CNTNAP2: variants seen among roughly 807,000 people sequenced by gnomAD.
The protein encoded by CNTNAP2 is contactin associated protein 2.
In CNTNAP2, 98 loss-of-function variants were observed where a neutral mutation model predicts 155.2. The ratio of observed to expected loss-of-function variants is 0.63; its 90% confidence interval spans 0.54 to 0.75. CNTNAP2 has a LOEUF of 0.75. Among genes scored for constraint, CNTNAP2 ranks in the 30% least tolerant of loss-of-function variants. CNTNAP2 has a pLI of 0.00. For missense variants in CNTNAP2, 1,727 were observed against 1,688.1 expected, an observed-to-expected ratio of 1.02 and a Z score of -0.40; for synonymous variants, 651 against 631.2, an observed-to-expected ratio of 1.03 and a Z score of -0.47.
At chr7:148,407,703 TAA>T (rs57666141) in intron 22 of CNTNAP2, among the ~76,000 whole-genome samples, 1 of 93,126 alleles carries the variant, frequency 1.1e-5, no homozygotes, top group African/African-American at 3.7e-5. Context: ...GACCAAATCT[TAA>T]AAAAAAAAAA....
At chr7:147,291,064 C>T (rs765315382) in intron 8 of CNTNAP2, among the ~76,000 whole-genome samples, 3 of 152,146 alleles carry the variant, frequency 2.0e-5, no homozygotes, top group Non-Finnish European at 4.4e-5. Context: ...GAAAGTTCCT[C>T]GTGCCACCCT....
intron 9 of CNTNAP2, among the ~76,000 whole-genome samples, chr7:147,312,122 A>G (rs1795138107): frequency 6.6e-6 from 1 of 152,072 alleles, no homozygotes; most frequent in Non-Finnish European, 1.5e-5. Context: ...AATTAAATAG[A>G]GCTTTTGCTG....
intron 22 of CNTNAP2, among the ~76,000 whole-genome samples, chr7:148,404,998 G>C (rs1483689525): frequency 6.6e-6 from 1 of 152,076 alleles, no homozygotes; most frequent in East Asian, 1.9e-4. Context: ...TACAGGACTG[G>C]GGGGCATGGC....
At chr7:146,408,223 T>C (rs1795819635) in intron 1 of CNTNAP2, among the ~76,000 whole-genome samples, 1 of 152,250 alleles carries the variant, frequency 6.6e-6, no homozygotes, top group South Asian at 2.1e-4. Context: ...AAATTAACCA[T>C]TAAAAATAAG....
intron 3 of CNTNAP2, among the ~76,000 whole-genome samples, chr7:146,992,108 C>A (rs1798219228): frequency 6.6e-6 from 1 of 152,112 alleles, no homozygotes. Context: ...TATGGAATGA[C>A]TGTGTAGCAT....
intron 12 of CNTNAP2, among the ~76,000 whole-genome samples, chr7:147,585,145 A>G (rs756608790): frequency 6.6e-6 from 1 of 152,104 alleles, no homozygotes; most frequent in Non-Finnish European, 1.5e-5. Flanking sequence ...CTAATTTACT[A>G]TCTCCATATG....
chr7:148,144,727 G>T (rs183200198), intron 16 of CNTNAP2, among the ~76,000 whole-genome samples: 54 of 152,286 alleles, frequency 3.5e-4, no homozygotes, highest in African/African-American at 1.2e-3. Flanking sequence ...CTGGAAATGA[G>T]AATTTGTTCG....
At chr7:146,429,117 G>C (rs1160158705) in intron 1 of CNTNAP2, among the ~76,000 whole-genome samples, 1 of 152,060 alleles carries the variant, frequency 6.6e-6, no homozygotes, top group Admixed American at 6.6e-5. Flanking sequence ...GTACCATGCT[G>C]TTTTGGTTAT....
intron 3 of CNTNAP2, among the ~76,000 whole-genome samples, chr7:147,038,758 A>G (rs970174184): frequency 1.8e-4 from 28 of 152,314 alleles, no homozygotes; most frequent in African/African-American, 6.5e-4. Flanking sequence ...TGTATTTTAC[A>G]TTATGCAATG....
At chr7:147,665,308 A>C (rs1379706151) in intron 13 of CNTNAP2, among the ~76,000 whole-genome samples, 1 of 152,216 alleles carries the variant, frequency 6.6e-6, no homozygotes, top group African/African-American at 2.4e-5. Context: ...AGTATAGTTC[A>C]TTCTCATTAC....
At chr7:148,181,314 C>G (rs962873335) in intron 18 of CNTNAP2, among the ~76,000 whole-genome samples, 2 of 151,988 alleles carry the variant, frequency 1.3e-5, no homozygotes, top group Non-Finnish European at 2.9e-5. Flanking sequence ...ACCCTAATAC[C>G]ATAACGCATG....
At chr7:147,379,475 C>T (rs1281845025) in intron 9 of CNTNAP2, among the ~76,000 whole-genome samples, 1 of 151,866 alleles carries the variant, frequency 6.6e-6, no homozygotes, top group Admixed American at 6.6e-5. Context: ...AGAGTGAATC[C>T]AGAGAGGGGT....
chr7:146,706,690 C>G (rs1408851021), intron 1 of CNTNAP2, among the ~76,000 whole-genome samples: 1 of 152,078 alleles, frequency 6.6e-6, no homozygotes, highest in African/African-American at 2.4e-5. Flanking sequence ...ACCGCATGTT[C>G]TCACTTATAA....
At chr7:147,571,724 C>T (rs1014327921) in intron 12 of CNTNAP2, among the ~76,000 whole-genome samples, 5 of 152,090 alleles carry the variant, frequency 3.3e-5, no homozygotes, top group Non-Finnish European at 4.4e-5. Context: ...ATAAGTTGGG[C>T]GCTACTAAGC....
rs1458652364 is a variant in CNTNAP2, at chr7:147,465,108, C to T, written c.1671-20827C>T. ...AATTGGAATCTAAACAGTGGGTATA[C>T]GTGGACACAAAGATAGAAAGAGTAG... On this transcript the variant is annotated intron_variant, in intron 10 of 23. Coordinates refer to ENST00000361727, the MANE Select transcript of CNTNAP2 (RefSeq NM_014141.6). 2.0e-5 allele frequency among the ~76,000 whole-genome samples: 3 copies of T among 152,092 alleles called. No individual in the cohort carries two copies. The East Asian group carries it at 5.8e-4, about 29-fold the overall frequency.
At chr7:146,466,029 G>T (rs1796712782) in intron 1 of CNTNAP2, among the ~76,000 whole-genome samples, 1 of 152,084 alleles carries the variant, frequency 6.6e-6, no homozygotes. Context: ...TGGACCTCTG[G>T]TCTGGTTTTG....
intron 10 of CNTNAP2, 70 bp downstream of exon 10, chr7:147,395,850 G>C (rs1796804143): frequency 5.8e-6 from 9 of 1,556,946 alleles, no homozygotes; most frequent in Admixed American, 1.7e-5. Context: ...TGTGAGACCA[G>C]TGAAACATCC....
chr7:148,052,777 G>A (rs1802918756), intron 15 of CNTNAP2, among the ~76,000 whole-genome samples: 2 of 152,238 alleles, frequency 1.3e-5, no homozygotes, highest in South Asian at 4.1e-4. Context: ...GCCAGGCACA[G>A]TGGCTCACGC....
chr7:147,270,952 CCTAGGAAGCCCCCA>C (rs1274354187), intron 8 of CNTNAP2, among the ~76,000 whole-genome samples: 2 of 152,172 alleles, frequency 1.3e-5, no homozygotes, highest in Non-Finnish European at 2.9e-5. Context: ...TTCTCTTCCC[CCTAGGAAGCCCCCA>C]CCAGAGACAA....
Sources: gnomAD v4.1 joint callset for allele counts (sites outside exome capture counted in the v4.1 genomes callset) on GRCh38, gnomAD v4.1.1 for gene constraint, MANE v1.5 for transcripts, NCBI Gene and HGNC (gene_info 2026-07-23, HGNC 2026-07-21) for gene names.